Variants in BCR observed in about 807,000 individuals in gnomAD.
The protein encoded by BCR is BCR activator of RhoGEF and GTPase.
Under a neutral mutation model 138.6 loss-of-function variants are expected in BCR, and 58 were observed. The ratio of observed to expected loss-of-function variants is 0.42; its 90% confidence interval spans 0.34 to 0.52. The LOEUF is 0.52. BCR is among the 20% of genes least tolerant of loss of function. The pLI is 0.06. For missense variants in BCR, 1,599 were observed against 1,727.2 expected (o/e 0.93, Z 1.32); for synonymous variants, 786 against 730.1 (o/e 1.08, Z -1.23).
intron 8 of BCR, among the ~76,000 whole-genome samples, chr22:23,282,011 T>A (rs2073651831): frequency 6.6e-6 from 1 of 152,192 alleles, no homozygotes; most frequent in African/African-American, 2.4e-5. Context: ...CTGCTGGTGA[T>A]GGCGAGAAGC....
intron 16 of BCR, among the ~76,000 whole-genome samples, chr22:23,305,560 C>G (rs1325289636): frequency 6.6e-6 from 1 of 152,250 alleles, no homozygotes; most frequent in Non-Finnish European, 1.5e-5. Flanking sequence ...TTCAGGGCAG[C>G]ACACAGCACC....
chr22:23,202,228 C>T (rs2072561061), intron 1 of BCR, among the ~76,000 whole-genome samples: 2 of 151,948 alleles, frequency 1.3e-5, no homozygotes, highest in African/African-American at 4.8e-5. Flanking sequence ...TGAGGTAATT[C>T]ATGTACCATA....
chr22:23,308,457 C>T (rs2073971916), intron 16 of BCR, among the ~76,000 whole-genome samples: 1 of 152,188 alleles, frequency 6.6e-6, no homozygotes, highest in Admixed American at 6.5e-5. Flanking sequence ...AGACGCCCAC[C>T]ACCACGCCCA....
chr22:23,258,964 C>G (rs917765918), intron 2 of BCR, among the ~76,000 whole-genome samples: 1 of 151,886 alleles, frequency 6.6e-6, no homozygotes, highest in Non-Finnish European at 1.5e-5. Flanking sequence ...CACACACTTT[C>G]CTCTGACTGC....
At chr22:23,274,907 CAAAAAAAAAA>C (rs758602402) in intron 8 of BCR, among the ~76,000 whole-genome samples, 31 of 84,016 alleles carry the variant, frequency 3.7e-4, no homozygotes, top group Middle Eastern at 5.9e-3. Flanking sequence ...AACTCCATCT[CAAAAAAAAAA>C]AAAAAAAAAA....
chr22:23,302,420 A>C (rs1192401919), intron 16 of BCR: 1 of 152,254 alleles, frequency 6.6e-6, no homozygotes, highest in Non-Finnish European at 1.5e-5. Flanking sequence ...CGGCTTCTCT[A>C]CCTGCTGCAA....
rs770476772 is a variant in BCR at position 23,314,647 on chromosome 22, A to C, written c.3659A>C (p.Lys1220Thr). Reference sequence around the variant, plus strand: ...CTCCGGCCCTCCGAGAAGGAGAGCAAGCTCCCTGCCAACCCCAGCCAGCCT... The same window carrying C: ...CTCCGGCCCTCCGAGAAGGAGAGCACGCTCCCTGCCAACCCCAGCCAGCCT... Reference protein sequence around the residue: ...TLLRPSEKESKLPANPSQPIT... With the variant: ...TLLRPSEKESTLPANPSQPIT... Residue 1220 changes from lysine to threonine, a missense_variant, in exon 22 of 23, where the codon AAG becomes ACG. Physicochemically the swap from Lys to Thr is moderately conservative, Grantham distance 78. This residue lies in a region of BCR where 177 missense variants were observed against 226.4 expected (regional missense o/e 0.78). Transcript: ENST00000305877. The C allele has an allele frequency of 6.2e-7, 1 of 1,611,648 alleles. No homozygotes were observed. The highest frequency in any genetic ancestry group is 1.3e-5 in the African/African-American group (1 of 74,766).
chr22:23,184,947 A>C (rs2072321179), intron 1 of BCR, among the ~76,000 whole-genome samples: 1 of 152,118 alleles, frequency 6.6e-6, no homozygotes, highest in African/African-American at 2.4e-5. Flanking sequence ...AGTCACCCTA[A>C]TGCTCCGCAG....
rs1320162979 is a variant in BCR at position 23,289,609 on chromosome 22, A to G, written c.2695A>G (p.Ile899Val). 2 of 1,605,332 alleles carry G rather than the reference A, an allele frequency of 1.2e-6. No homozygotes were observed. Among genetic ancestry groups the G allele is most frequent in the African/African-American group, 2.9e-5 (2 of 69,746 alleles). ...LQTVHSIPLT[I>V]NKEDDESPGL... is the part of the protein sequence containing the mutation. ...GACTGTCCACAGCATTCCGCTGACC[A>G]TCAATAAGGAAGGTGGGCCCCCCCG... Residue 899 changes from isoleucine (I) to valine (V), a missense_variant, in exon 13 of 23, where the codon ATC becomes GTC. Transcript: ENST00000305877.
At chr22:23,191,278 T>A (rs956177385) in intron 1 of BCR, among the ~76,000 whole-genome samples, 2 of 152,218 alleles carry the variant, frequency 1.3e-5, no homozygotes, top group Non-Finnish European at 2.9e-5. Context: ...CTTTTCTGTT[T>A]ATCTTGGTTT....
chr22:23,210,326 A>T (rs937190611), intron 1 of BCR, among the ~76,000 whole-genome samples: 2 of 151,982 alleles, frequency 1.3e-5, no homozygotes, highest in Non-Finnish European at 2.9e-5. Flanking sequence ...CTGAGGTGGG[A>T]AGATAGCTTG....
At chr22:23,308,642 CACCCA>C (rs1158573682) in intron 16 of BCR, among the ~76,000 whole-genome samples, 1 of 152,194 alleles carries the variant, frequency 6.6e-6, no homozygotes, top group Non-Finnish European at 1.5e-5. Context: ...ACTGCTCATT[CACCCA>C]GCCCAGCCAG....
rs2074064891 is a variant in BCR, at chr22:23,315,733, G to A, written c.*211G>A. On this transcript the variant is annotated 3_prime_UTR_variant, in exon 23 of 23. Coordinates refer to ENST00000305877, the MANE Select transcript of BCR (RefSeq NM_004327.4). ...GAGCCCCAGGCTGGCCTCAGACTGTGGTTTTTTATGTGGCCACCTGAGGGC... is the reference window on the plus strand; with the variant it reads ...GAGCCCCAGGCTGGCCTCAGACTGTAGTTTTTTATGTGGCCACCTGAGGGC... 2 of 651,352 alleles carry A rather than the reference G, an allele frequency of 3.1e-6. No homozygotes were observed. Among genetic ancestry groups the A allele is most frequent in the East Asian group, 5.9e-5 (2 of 33,806 alleles). The allele number at this position is 651,352 out of a possible 1,614,324, so 40.3% of individuals were successfully genotyped here. A position where few individuals can be genotyped will look rare whatever the true frequency, so the allele number is the denominator to read the frequency against.
chr22:23,279,207 G>T (rs143286744), intron 8 of BCR, among the ~76,000 whole-genome samples: 3,882 of 152,270 alleles, frequency 0.025, 76 homozygotes, highest in Non-Finnish European at 0.027. Context: ...TTCTTCCCAG[G>T]CCCTGCCCTA....
rs2072266977 is a variant in BCR, at chr22:23,181,748, C to T, written c.788C>T (p.Ala263Val). Residue 263 changes from alanine (A) to valine (V), a missense_variant, in exon 1 of 23, where the codon GCC becomes GTC. Coordinates refer to ENST00000305877, the MANE Select transcript of BCR (RefSeq NM_004327.4). ...PRFLKDNLID[A>V]NGGSRPPWPP... ...TTCCTGAAGGACAACCTGATCGACGCCAATGGCGGTAGCAGGCCCCCTTGG... is the reference window on the plus strand; with the variant it reads ...TTCCTGAAGGACAACCTGATCGACGTCAATGGCGGTAGCAGGCCCCCTTGG... The T allele has an allele frequency of 6.2e-7, 1 of 1,604,782 alleles. No individual in the cohort carries two copies. Among genetic ancestry groups the T allele is most frequent in the East Asian group, 2.2e-5 (1 of 44,866 alleles).
At chr22:23,270,813 A>G (rs2073501536) in intron 5 of BCR, among the ~76,000 whole-genome samples, 1 of 152,236 alleles carries the variant, frequency 6.6e-6, no homozygotes, top group African/African-American at 2.4e-5. Context: ...GCACTTCTCC[A>G]GTGATGCTTT....
At chr22:23,296,750 T>G (rs1279344334) in intron 16 of BCR, among the ~76,000 whole-genome samples, 1 of 152,232 alleles carries the variant, frequency 6.6e-6, no homozygotes. Context: ...AAGACCAGCC[T>G]GGGCAACATA....
Position 23,313,020 on chromosome 22 carries a change from C to T in BCR, c.3456C>T (p.Ile1152=), listed in dbSNP as rs748564509. The T allele has an allele frequency of 9.5e-5, 148 of 1,565,436 alleles. 1 individual carries two copies. The South Asian group carries it at 1.6e-3, about 17-fold the overall frequency. ...DEFYPNFAEG[I]ALSDPVAKES... is the part of the protein sequence containing the mutation. ...TCTACCCCAACTTCGCAGAGGGCATCGGTGAGCACTGGAGGCCTTGGCCTC... is the reference window on the plus strand; with the variant it reads ...TCTACCCCAACTTCGCAGAGGGCATTGGTGAGCACTGGAGGCCTTGGCCTC... Residue 1152 remains isoleucine, a splice_region_variant and synonymous_variant, in exon 20 of 23, where the codon ATC becomes ATT. Transcript: ENST00000305877.
chr22:23,195,732 C>CA (rs762100094), intron 1 of BCR, among the ~76,000 whole-genome samples: 1 of 150,546 alleles, frequency 6.6e-6, no homozygotes, highest in Non-Finnish European at 1.5e-5. Flanking sequence ...ACTAAAAATA[C>CA]AAAAAATTAA....
Sources: gnomAD v4.1 joint callset for allele counts (sites outside exome capture counted in the v4.1 genomes callset) on GRCh38, gnomAD v4.1.1 for gene constraint, gnomAD v4.1.1 regional missense constraint, MANE v1.5 for transcripts, NCBI Gene and HGNC (gene_info 2026-07-23, HGNC 2026-07-21) for gene names.